The following NAALADL2 variants were observed in gnomAD, a reference collection of about 807,000 sequenced individuals.
The protein encoded by NAALADL2 is N-acetylated alpha-linked acidic dipeptidase like 2, also known as inactive N-acetylated-alpha-linked acidic dipeptidase-like protein 2.
Under a neutral mutation model 87.2 loss-of-function variants are expected in NAALADL2, and 76 were observed. That is an observed-to-expected ratio of 0.87 (90% CI 0.72 to 1.05). The LOEUF (loss-of-function observed/expected upper bound fraction) is 1.05, where lower values mean the gene tolerates loss of function less well. NAALADL2 is among the 50% of genes least tolerant of loss of function. NAALADL2 has a pLI of 0.00. For synonymous variants in NAALADL2, 354 were observed against 331.0 expected, an observed-to-expected ratio of 1.07 and a Z score of -0.75; for missense variants, 1,089 against 945.8, an observed-to-expected ratio of 1.15 and a Z score of -1.99.
chr3:175,359,538 C>T (rs1168159024), intron 5 of NAALADL2, among the ~76,000 whole-genome samples: 1 of 151,982 alleles, frequency 6.6e-6, no homozygotes, highest in Non-Finnish European at 1.5e-5. Flanking sequence ...GAAATAATGA[C>T]ATTTTTAATT....
At chr3:174,687,808 C>T (rs1728184763) in intron 2 of NAALADL2, among the ~76,000 whole-genome samples, 3 of 152,006 alleles carry the variant, frequency 2.0e-5, no homozygotes, top group African/African-American at 7.3e-5. Context: ...GGGGCAGTTT[C>T]CCCCATACTG....
At chr3:175,642,532 G>A (rs376591111) in intron 11 of NAALADL2, among the ~76,000 whole-genome samples, 19 of 143,084 alleles carry the variant, frequency 1.3e-4, no homozygotes, top group African/African-American at 4.3e-4. Context: ...ACAGCGTCTC[G>A]CTCTGTCGCC....
chr3:175,356,238 T>A (rs1439868139), intron 5 of NAALADL2, among the ~76,000 whole-genome samples: 3 of 152,000 alleles, frequency 2.0e-5, no homozygotes, highest in South Asian at 2.1e-4. Context: ...CTCTTTAGAA[T>A]GATAGATAGT....
chr3:175,043,147 AT>A (rs1296583380), intron 1 of NAALADL2, among the ~76,000 whole-genome samples: 1 of 152,202 alleles, frequency 6.6e-6, no homozygotes, highest in Non-Finnish European at 1.5e-5. Flanking sequence ...AGCCTCAGAT[AT>A]TCCTCTACAG....
At chr3:175,553,776 T>C (rs1043988728) in intron 9 of NAALADL2, among the ~76,000 whole-genome samples, 1 of 151,972 alleles carries the variant, frequency 6.6e-6, no homozygotes, top group Non-Finnish European at 1.5e-5. Flanking sequence ...ATATATTTAT[T>C]TTTTCTTTTT....
At chr3:175,036,558 C>T (rs1427897067) in intron 1 of NAALADL2, among the ~76,000 whole-genome samples, 37 of 151,884 alleles carry the variant, frequency 2.4e-4, no homozygotes, top group Admixed American at 2.4e-3. Flanking sequence ...TGCCACCACA[C>T]CCAGCTAATT....
At position 175,050,045 on chromosome 3, in the gene NAALADL2, T is replaced by C. The variant is rs571854088; in HGVS notation, c.44-46745T>C. Among the ~76,000 whole-genome samples, 22 of 152,216 alleles carry C rather than the reference T, an allele frequency of 1.4e-4. No homozygotes were observed. The South Asian group carries it at 3.7e-3, about 26-fold the overall frequency. ...CTGATTACCTCCCAAATTCCAAAGATGTGCACGTTAGGATAATTGGTGTGT... is the reference window on the plus strand; with the variant it reads ...CTGATTACCTCCCAAATTCCAAAGACGTGCACGTTAGGATAATTGGTGTGT... On this transcript the variant is annotated intron_variant, in intron 1 of 13. Transcript: ENST00000454872.
intron 4 of NAALADL2, among the ~76,000 whole-genome samples, chr3:175,322,156 C>G (rs1259320455): frequency 6.6e-6 from 1 of 150,926 alleles, no homozygotes; most frequent in Non-Finnish European, 1.5e-5. Context: ...ATCAATGGAA[C>G]AGAACAGAGC....
intron 2 of NAALADL2, among the ~76,000 whole-genome samples, chr3:175,170,690 A>C (rs1201007126): frequency 6.6e-6 from 1 of 151,374 alleles, no homozygotes; most frequent in Non-Finnish European, 1.5e-5. Context: ...ACATTGTTTA[A>C]ATAGAGAAAA....
chr3:175,442,055 C>T (rs1216632581), intron 5 of NAALADL2, among the ~76,000 whole-genome samples: 1 of 152,142 alleles, frequency 6.6e-6, no homozygotes, highest in Admixed American at 6.6e-5. Flanking sequence ...GATTGTCCTG[C>T]CTCAGCCTCC....
At chr3:175,412,477 G>A (rs1349690642) in intron 5 of NAALADL2, among the ~76,000 whole-genome samples, 2 of 152,124 alleles carry the variant, frequency 1.3e-5, no homozygotes, top group African/African-American at 4.8e-5. Context: ...ATTCAGTTAA[G>A]CTGAGTGGTA....
At chr3:174,595,620 G>T (rs1717815328) in intron 2 of NAALADL2, among the ~76,000 whole-genome samples, 1 of 152,112 alleles carries the variant, frequency 6.6e-6, no homozygotes, top group Non-Finnish European at 1.5e-5. Context: ...TTGAAAAGAG[G>T]TTACTGGTTA....
intron 1 of NAALADL2, among the ~76,000 whole-genome samples, chr3:174,978,125 G>A (rs1430720636): frequency 1.3e-5 from 2 of 152,160 alleles, no homozygotes; most frequent in African/African-American, 4.8e-5. Flanking sequence ...CACACTGGCA[G>A]GTGGGGAGTC....
At chr3:174,963,926 A>G (rs1455687279) in intron 1 of NAALADL2, among the ~76,000 whole-genome samples, 2 of 152,250 alleles carry the variant, frequency 1.3e-5, no homozygotes, top group East Asian at 3.9e-4. Flanking sequence ...GCATTTTCTG[A>G]CAATGTAAAT....
intron 1 of NAALADL2, among the ~76,000 whole-genome samples, chr3:174,545,047 T>TA (rs1253071180): frequency 6.6e-6 from 1 of 152,058 alleles, no homozygotes; most frequent in Non-Finnish European, 1.5e-5. Context: ...GACTAATTTT[T>TA]AAAAAACTTT....
chr3:175,185,098 G>A (rs1336361379), intron 2 of NAALADL2, among the ~76,000 whole-genome samples: 1 of 151,986 alleles, frequency 6.6e-6, no homozygotes, highest in Non-Finnish European at 1.5e-5. Context: ...TATTGCCTGT[G>A]ACATGCTATG....
At chr3:174,647,631 A>G (rs552990920) in intron 2 of NAALADL2, among the ~76,000 whole-genome samples, 2 of 152,208 alleles carry the variant, frequency 1.3e-5, no homozygotes, top group Admixed American at 6.5e-5. Flanking sequence ...GCCAATTTAC[A>G]CTGGGTGTGG....
intron 9 of NAALADL2, among the ~76,000 whole-genome samples, chr3:175,484,701 A>G (rs1726997495): frequency 1.3e-5 from 2 of 152,286 alleles, no homozygotes; most frequent in South Asian, 2.1e-4. Flanking sequence ...TAATGAGGCC[A>G]AGACTTGCTA....
chr3:175,591,240 A>G (rs1332199859), intron 10 of NAALADL2, among the ~76,000 whole-genome samples: 1 of 152,156 alleles, frequency 6.6e-6, no homozygotes, highest in East Asian at 1.9e-4. Context: ...CTGTGTTTTC[A>G]TATATAAAGC....
Sources: gnomAD v4.1 joint callset for allele counts (sites outside exome capture counted in the v4.1 genomes callset) on GRCh38, gnomAD v4.1.1 for gene constraint, MANE v1.5 for transcripts, NCBI Gene and HGNC (gene_info 2026-07-23, HGNC 2026-07-21) for gene names.